The following ADAMTS17 variants were observed in gnomAD, a reference collection of about 807,000 sequenced individuals.
ADAMTS17 encodes ADAM metallopeptidase with thrombospondin type 1 motif 17, also known as A disintegrin and metalloproteinase with thrombospondin motifs 17.
In ADAMTS17, 113 loss-of-function variants were observed where a neutral mutation model predicts 141.5. That is an observed-to-expected ratio of 0.80 (90% CI 0.69 to 0.93). The LOEUF (loss-of-function observed/expected upper bound fraction) is 0.93. Ranked by LOEUF, ADAMTS17 falls within the 40% of genes least tolerant of loss-of-function variation. The probability of loss-of-function intolerance (pLI) is 0.00; values close to 1 mark genes in which losing one functional copy is unlikely to be tolerated. For missense variants in ADAMTS17, 1,659 were observed against 1,517.9 expected, an observed-to-expected ratio of 1.09 and a Z score of -1.54; for synonymous variants, 768 against 630.6, an observed-to-expected ratio of 1.22 and a Z score of -3.27.
intron 20 of ADAMTS17, among the ~76,000 whole-genome samples, chr15:99,983,827 G>T (rs897737900): frequency 6.6e-6 from 1 of 152,230 alleles, no homozygotes; most frequent in African/African-American, 2.4e-5. Flanking sequence ...GGATAGCAAA[G>T]AAAGAGACTG....
At chr15:100,046,856 A>C (rs2031729975) in intron 18 of ADAMTS17, among the ~76,000 whole-genome samples, 1 of 152,214 alleles carries the variant, frequency 6.6e-6, no homozygotes, top group Non-Finnish European at 1.5e-5. Flanking sequence ...GTGTTTGAAC[A>C]ATATGAAATC....
At chr15:100,081,502 A>C (rs2034734481) in intron 15 of ADAMTS17, among the ~76,000 whole-genome samples, 1 of 152,212 alleles carries the variant, frequency 6.6e-6, no homozygotes, top group Non-Finnish European at 1.5e-5. Flanking sequence ...GGTGAATTAT[A>C]TGGCATGTGA....
At chr15:100,220,066 T>C (rs28696125) in intron 7 of ADAMTS17, among the ~76,000 whole-genome samples, 52,533 of 151,954 alleles carry the variant, frequency 0.35, 9,609 homozygotes, top group East Asian at 0.64. Context: ...ATCGCCATGG[T>C]ACCTTCTGAT....
chr15:100,096,256 T>C (rs2035749768), intron 15 of ADAMTS17, 100 bp downstream of exon 15: 2 of 1,584,608 alleles, frequency 1.3e-6, no homozygotes, highest in African/African-American at 1.3e-5. Flanking sequence ...CACTACCATC[T>C]AGCCCTTAAA....
chr15:100,023,786 C>T (rs1408281005), intron 18 of ADAMTS17, among the ~76,000 whole-genome samples: 1 of 152,192 alleles, frequency 6.6e-6, no homozygotes, highest in East Asian at 1.9e-4. Flanking sequence ...TGACCTGGAG[C>T]TTACAAAAAT....
intron 8 of ADAMTS17, among the ~76,000 whole-genome samples, chr15:100,181,686 A>C (rs564459773): frequency 9.8e-4 from 150 of 152,360 alleles, no homozygotes; most frequent in African/African-American, 3.4e-3. Flanking sequence ...GCTGGTATTC[A>C]AGATGCAAGA....
rs559946374 is a variant in ADAMTS17, at chr15:100,247,779, C to T, written c.1075+6357G>A. Among the ~76,000 whole-genome samples, 4 of 152,270 alleles carry T rather than the reference C, an allele frequency of 2.6e-5. No homozygotes were observed. The South Asian group carries it at 8.3e-4, about 32-fold the overall frequency. ...CACTCCCCCTCACCTCTTGCCAGTT[C>T]CCCAGCTCCTCTTGGTTTCATGGCC... On this transcript the variant is annotated intron_variant, in intron 7 of 21. Transcript: ENST00000268070.
At chr15:100,284,054 A>G (rs1178077261) in intron 3 of ADAMTS17, among the ~76,000 whole-genome samples, 2 of 152,216 alleles carry the variant, frequency 1.3e-5, no homozygotes, top group African/African-American at 4.8e-5. Context: ...GCAGTGAGCC[A>G]AGATCACACC....
At chr15:100,205,378 G>C (rs1034961984) in intron 7 of ADAMTS17, among the ~76,000 whole-genome samples, 1 of 152,184 alleles carries the variant, frequency 6.6e-6, no homozygotes, top group Non-Finnish European at 1.5e-5. Context: ...TGCCGGGAGA[G>C]GGGAAGGAAA....
chr15:100,335,605 AG>A (rs1209033777), intron 2 of ADAMTS17, among the ~76,000 whole-genome samples: 1 of 152,256 alleles, frequency 6.6e-6, no homozygotes, highest in Non-Finnish European at 1.5e-5. Flanking sequence ...CTGCTCATTC[AG>A]GCAACAGCGA....
intron 6 of ADAMTS17, among the ~76,000 whole-genome samples, chr15:100,261,081 A>T (rs182813308): frequency 2.0e-4 from 31 of 152,342 alleles, no homozygotes; most frequent in Admixed American, 1.0e-3. Context: ...CCAAGTCCTG[A>T]CCCTCAGTAC....
intron 7 of ADAMTS17, among the ~76,000 whole-genome samples, chr15:100,201,077 A>G (rs2041313568): frequency 6.6e-6 from 1 of 152,218 alleles, no homozygotes; most frequent in African/African-American, 2.4e-5. Context: ...CCAAAGAGCT[A>G]AACCAACATC....
chr15:100,060,530 G>A (rs1222044863), intron 15 of ADAMTS17, among the ~76,000 whole-genome samples: 1 of 152,198 alleles, frequency 6.6e-6, no homozygotes, highest in Non-Finnish European at 1.5e-5. Context: ...CTGGCTGGAG[G>A]CAGATGCGAG....
At chr15:100,317,983 C>T (rs778793128) in intron 3 of ADAMTS17, among the ~76,000 whole-genome samples, 4 of 152,050 alleles carry the variant, frequency 2.6e-5, no homozygotes, top group East Asian at 1.9e-4. Context: ...TTTTCAGTAG[C>T]GACCCGAATG....
intron 10 of ADAMTS17, among the ~76,000 whole-genome samples, chr15:100,149,568 C>T (rs569986922): frequency 6.6e-6 from 1 of 152,198 alleles, no homozygotes; most frequent in East Asian, 1.9e-4. Context: ...TGTTCCTCAC[C>T]TTTTTTCCTG....
chr15:100,061,078 G>A (rs1005407608), intron 15 of ADAMTS17, among the ~76,000 whole-genome samples: 1 of 152,196 alleles, frequency 6.6e-6, no homozygotes, highest in Admixed American at 6.5e-5. Flanking sequence ...CTGGAGAGCT[G>A]AGCAGTCACC....
intron 8 of ADAMTS17, among the ~76,000 whole-genome samples, chr15:100,194,932 T>C (rs1348432178): frequency 6.6e-6 from 1 of 152,182 alleles, no homozygotes; most frequent in African/African-American, 2.4e-5. Context: ...CACCGCAGGA[T>C]GGAGAAAGGC....
chr15:99,999,558 A>C (rs963053022), intron 18 of ADAMTS17, among the ~76,000 whole-genome samples: 1 of 151,914 alleles, frequency 6.6e-6, no homozygotes, highest in South Asian at 2.1e-4. Context: ...GAGCGAGGGG[A>C]AAGGATGGGA....
intron 2 of ADAMTS17, among the ~76,000 whole-genome samples, 182 bp from the exon 3 acceptor site, chr15:100,331,236 C>T (rs1567546394): frequency 6.6e-6 from 1 of 152,214 alleles, no homozygotes; most frequent in Non-Finnish European, 1.5e-5. Flanking sequence ...GACTTACAAA[C>T]ATACCACAGA....
Sources: allele counts gnomAD v4.1 joint callset (sites outside exome capture counted in the v4.1 genomes callset), GRCh38; gene constraint gnomAD v4.1.1; transcripts MANE v1.5; gene names NCBI Gene and HGNC (gene_info 2026-07-23, HGNC 2026-07-21).